HDAC9: variants seen among roughly 807,000 people sequenced by gnomAD.
HDAC9 encodes MEF-2 interacting transcription repressor (MITR) protein.
In HDAC9, 41 loss-of-function variants were observed where a neutral mutation model predicts 139.4. The ratio of observed to expected loss-of-function variants is 0.29; its 90% CI spans 0.23 to 0.38. The LOEUF is 0.38. Ranked by LOEUF, HDAC9 falls within the 10% of genes least tolerant of loss-of-function variation. The probability of loss-of-function intolerance (pLI) is 1.00; values close to 1 mark genes in which losing one functional copy is unlikely to be tolerated. For missense variants in HDAC9, 1,147 were observed against 1,297.0 expected, an observed-to-expected ratio of 0.88 and a Z score of 1.78; for synonymous variants, 517 against 476.2, an observed-to-expected ratio of 1.09 and a Z score of -1.12.
intron 1 of HDAC9, among the ~76,000 whole-genome samples, chr7:18,310,463 G>C (rs1327656824): frequency 6.6e-6 from 1 of 152,138 alleles, no homozygotes; most frequent in Non-Finnish European, 1.5e-5. Context: ...GTCAGTGACA[G>C]CCTCATGTTA....
intron 1 of HDAC9, among the ~76,000 whole-genome samples, chr7:18,386,883 T>A (rs1292644693): frequency 6.6e-6 from 1 of 152,222 alleles, no homozygotes; most frequent in Non-Finnish European, 1.5e-5. Flanking sequence ...AAATTCATTC[T>A]CTGCTTTTGA....
At chr7:18,192,050 A>G (rs947606606) in intron 2 of HDAC9, among the ~76,000 whole-genome samples, 3 of 152,202 alleles carry the variant, frequency 2.0e-5, no homozygotes, top group Non-Finnish European at 2.9e-5. Flanking sequence ...TGCTTGATGC[A>G]AAAGTCAACT....
intron 15 of HDAC9, among the ~76,000 whole-genome samples, chr7:18,763,386 A>G (rs1476865319): frequency 6.6e-6 from 1 of 152,222 alleles, no homozygotes; most frequent in Admixed American, 6.5e-5. Context: ...CAGTATAGGT[A>G]GCAGTAGCTT....
chr7:18,351,225 C>A (rs1782822780), intron 1 of HDAC9, among the ~76,000 whole-genome samples: 2 of 152,096 alleles, frequency 1.3e-5, no homozygotes, highest in South Asian at 4.2e-4. Context: ...TACATCATTG[C>A]CTGATTTACT....
intron 3 of HDAC9, among the ~76,000 whole-genome samples, chr7:18,589,676 C>T (rs987066845): frequency 5.3e-4 from 81 of 152,200 alleles, no homozygotes; most frequent in African/African-American, 1.9e-3. Context: ...TCTTCTTGAC[C>T]AGTGTCTTTA....
intron 1 of HDAC9, among the ~76,000 whole-genome samples, chr7:18,355,863 C>A (rs560585104): frequency 6.6e-6 from 1 of 152,186 alleles, no homozygotes; most frequent in South Asian, 2.1e-4. Context: ...ACAAAAGAGG[C>A]CTATCTATAG....
At chr7:18,739,959 C>G (rs544503666) in intron 13 of HDAC9, among the ~76,000 whole-genome samples, 3 of 152,310 alleles carry the variant, frequency 2.0e-5, no homozygotes, top group Non-Finnish European at 2.9e-5. Flanking sequence ...GTTTTAGCTA[C>G]TCAAGCCTCA....
At chr7:18,748,965 C>T in intron 13 of HDAC9, 40 bp from the exon 14 acceptor site, 1 of 1,590,872 alleles carries the variant, frequency 6.3e-7, no homozygotes, top group South Asian at 1.1e-5. Context: ...TTATCTTGTA[C>T]TGTTACTCAA....
At chr7:18,842,067 T>C (rs1298834425) in intron 21 of HDAC9, among the ~76,000 whole-genome samples, 2 of 152,110 alleles carry the variant, frequency 1.3e-5, no homozygotes, top group Non-Finnish European at 2.9e-5. Context: ...AAAGCATGAT[T>C]TCGTTGTCAT....
intron 13 of HDAC9, among the ~76,000 whole-genome samples, chr7:18,733,835 G>A (rs1218424905): frequency 6.6e-6 from 1 of 151,878 alleles, no homozygotes; most frequent in African/African-American, 2.4e-5. Flanking sequence ...AATGTTCAAG[G>A]GGTTTAGCAC....
At chr7:18,249,524 C>CA (rs1417150363) in intron 2 of HDAC9, among the ~76,000 whole-genome samples, 529 of 48,990 alleles carry the variant, frequency 0.011, 6 homozygotes, top group African/African-American at 0.023. Context: ...AAAAAAAAAA[C>CA]AAAAAAAAAA....
intron 9 of HDAC9, among the ~76,000 whole-genome samples, chr7:18,646,013 A>C (rs1562731313): frequency 6.6e-6 from 1 of 152,216 alleles, no homozygotes; most frequent in Non-Finnish European, 1.5e-5. Context: ...AAAATACAGA[A>C]TTCAGCTATG....
chr7:18,265,840 A>T (rs1384677628), intron 2 of HDAC9, among the ~76,000 whole-genome samples: 1 of 152,136 alleles, frequency 6.6e-6, no homozygotes, highest in Non-Finnish European at 1.5e-5. Flanking sequence ...ATATGTGGAA[A>T]ATTTGGCCTT....
At chr7:18,847,760 T>C (rs150777283) in intron 21 of HDAC9, among the ~76,000 whole-genome samples, 1 of 152,348 alleles carries the variant, frequency 6.6e-6, no homozygotes, top group East Asian at 1.9e-4. Context: ...GCTCTGCCTT[T>C]GGTCCAACTG....
At chr7:18,233,571 AAGGATTTGAC>A (rs1254874095) in intron 2 of HDAC9, among the ~76,000 whole-genome samples, 4 of 152,148 alleles carry the variant, frequency 2.6e-5, no homozygotes, top group African/African-American at 7.2e-5. Context: ...TGGTTTCTCC[AAGGATTTGAC>A]AGCTAATTTA....
chr7:18,932,361 A>G (rs894799253), intron 22 of HDAC9, among the ~76,000 whole-genome samples: 6 of 152,182 alleles, frequency 3.9e-5, no homozygotes, highest in Non-Finnish European at 8.8e-5. Flanking sequence ...ATTTGGCAAT[A>G]TGAGACATTA....
intron 24 of HDAC9, among the ~76,000 whole-genome samples, chr7:18,965,389 G>A (rs1585423429): frequency 6.6e-6 from 1 of 152,152 alleles, no homozygotes; most frequent in South Asian, 2.1e-4. Context: ...CAGAGAGGAC[G>A]CTTGAGATGT....
At chr7:18,118,765 C>T (rs1223862977) in intron 1 of HDAC9, among the ~76,000 whole-genome samples, 1 of 152,020 alleles carries the variant, frequency 6.6e-6, no homozygotes, top group Admixed American at 6.6e-5. Flanking sequence ...TTTGTATATT[C>T]TTTTTAGGGA....
At chr7:18,567,140 T>C (rs1289187520) in intron 2 of HDAC9, among the ~76,000 whole-genome samples, 3 of 152,190 alleles carry the variant, frequency 2.0e-5, no homozygotes, top group Admixed American at 1.3e-4. Flanking sequence ...GAGTATGTCC[T>C]GCAGCATGCC....
Sources: allele counts gnomAD v4.1 joint callset (sites outside exome capture counted in the v4.1 genomes callset), GRCh38; gene constraint gnomAD v4.1.1; transcripts MANE v1.5; gene names NCBI Gene and HGNC (gene_info 2026-07-23, HGNC 2026-07-21).